KMT2A: variants seen among roughly 807,000 people sequenced by gnomAD.
The protein encoded by KMT2A is histone-lysine N-methyltransferase 2A.
KMT2A carries 16 observed loss-of-function variants against 345.3 expected under a neutral mutation model. The ratio of observed to expected loss-of-function variants is 0.05; its 90% confidence interval spans 0.03 to 0.07. KMT2A has a LOEUF of 0.07. Among genes scored for constraint, KMT2A ranks in the 10% least tolerant of loss-of-function variants. The pLI, the probability that KMT2A is intolerant of heterozygous loss-of-function variation, is 1.00. For missense variants in KMT2A, 3,272 were observed against 4,841.6 expected, an observed-to-expected ratio of 0.68 and a Z score of 9.62; for synonymous variants, 1,599 against 1,778.6, an observed-to-expected ratio of 0.90 and a Z score of 2.54.
chr11:118,509,866 C>A, intron 29 of KMT2A, 82 bp from the exon 30 acceptor site: 1 of 1,003,844 alleles, frequency 1.0e-6, no homozygotes, highest in South Asian at 1.9e-5. Flanking sequence ...GCTTAGAGAT[C>A]ATTTATGTAA....
In KMT2A at chr11:118,489,899, A is replaced by C. The variant is rs781879065; in HGVS notation, c.4575+12A>C. On this transcript the variant is annotated intron_variant, in intron 12 of 35. Transcript: ENST00000534358. ...AGAAGAAAGTCTGGGTGAGTTATAC[A>C]CATGATGCTCTTTTATAGAGAACCA... 6.2e-7 allele frequency: 1 copy of C among 1,606,858 alleles called. No homozygotes were observed. The highest frequency in any genetic ancestry group is 8.5e-7 in the Non-Finnish European group (1 of 1,173,418).
intron 2 of KMT2A, among the ~76,000 whole-genome samples, chr11:118,470,827 A>G (rs1185653119): frequency 6.6e-6 from 1 of 152,216 alleles, no homozygotes; most frequent in East Asian, 1.9e-4. Context: ...GGTGTTTTAG[A>G]AACAGTCTTG....
intron 1 of KMT2A, among the ~76,000 whole-genome samples, chr11:118,451,073 A>C (rs1843506879): frequency 6.6e-6 from 1 of 152,236 alleles, no homozygotes; most frequent in Admixed American, 6.5e-5. Context: ...ATATTGCATT[A>C]CAAAGTAAGA....
In KMT2A at chr11:118,484,529, T is replaced by TAGGA. The variant is rs1950197165; in HGVS notation, c.4218+215_4218+216insAGGA. Among the ~76,000 whole-genome samples, 4 of 152,282 alleles carry TAGGA rather than the reference T, an allele frequency of 2.6e-5. No individual in the cohort carries two copies. In the East Asian group the frequency reaches 7.7e-4, roughly 29 times the overall value. ...ACTGCAGAACATACATAATGAAACA[T>TAGGA]TCCTATCCATCCTGAGCAGTATCAG... On this transcript the variant is annotated intron_variant, in intron 9 of 35. Transcript: ENST00000534358. This position sits in a 1 kb window ranked among gnomAD's most constrained non-coding sequence, Gnocchi z 4.1.
chr11:118,522,814 C>A lies in KMT2A; in HGVS notation c.*642C>A. ...TGCAGGCTTTGAGTGGGAGTGTTGC[C>A]CCCAGGAGCCTTATCTCAGCCAATT... is the stretch of plus-strand genomic sequence containing the variant. On this transcript the variant is annotated 3_prime_UTR_variant, in exon 36 of 36. Coordinates refer to ENST00000534358, the MANE Select transcript of KMT2A (RefSeq NM_001197104.2). The surrounding 1 kb of genome is among the most constrained non-coding windows in gnomAD (Gnocchi z 5.4). 1 of 215,470 alleles carries A rather than the reference C, an allele frequency of 4.6e-6. No individual in the cohort carries two copies. 13.3% of individuals were successfully genotyped at this position (215,470 alleles called of 1,614,324 possible). A position where few individuals can be genotyped will look rare whatever the true frequency, so the allele number is the denominator to read the frequency against.
At chr11:118,474,474 A>G (rs1555036978) in intron 3 of KMT2A, among the ~76,000 whole-genome samples, 159 bp downstream of exon 3, 1 of 152,180 alleles carries the variant, frequency 6.6e-6, no homozygotes, top group East Asian at 1.9e-4. Context: ...GACCAGTAGG[A>G]TTTTGATAGG....
Position 118,473,078 on chromosome 11 carries a change from A to G in KMT2A, c.1919A>G (p.Glu640Gly). 1 of 1,614,168 alleles carries G rather than the reference A, an allele frequency of 6.2e-7. No homozygotes were observed. The highest frequency in any genetic ancestry group is 8.5e-7 in the Non-Finnish European group (1 of 1,180,026). Reference sequence around the variant, plus strand: ...TTTTCCTCAGCAAAGTATGCCAAAGAAGGTCTTATTCGCAAACCAATATTT... The same window carrying G: ...TTTTCCTCAGCAAAGTATGCCAAAGGAGGTCTTATTCGCAAACCAATATTT... ...QYFSSAKYAK[E>G]GLIRKPIFDN... Residue 640 changes from glutamate to glycine, a missense_variant, in exon 3 of 36, where the codon GAA becomes GGA. Glu to Gly is a moderately conservative substitution (Grantham distance 98). Around this residue, in one of 27 missense-constraint regions of KMT2A, gnomAD observed 114 missense variants for 203.2 expected, o/e 0.56. Coordinates refer to ENST00000534358, the MANE Select transcript of KMT2A (RefSeq NM_001197104.2). This position sits in a 1 kb window ranked among gnomAD's most constrained non-coding sequence, Gnocchi z 5.2.
At position 118,523,821 on chromosome 11, in the gene KMT2A, CATAA is replaced by C; in HGVS notation, c.*1652_*1655del. 4.7e-6 allele frequency: 1 copy of C among 210,742 alleles called. No individual in the cohort carries two copies. The highest frequency in any genetic ancestry group is 9.6e-6 in the Non-Finnish European group (1 of 103,902). The allele number at this position is 210,742 out of a possible 1,614,324, so 13.1% of individuals were successfully genotyped here. The stretch of plus-strand genomic sequence containing the variant: ...GTGTAGCTTGTTTGTGCCCTGTTGA[CATAA>C]ATGTTTCCTGGGTTTGCTCTTTGAC... On this transcript the variant is annotated 3_prime_UTR_variant, in exon 36 of 36. Transcript: ENST00000534358.
In KMT2A at chr11:118,501,669, C is replaced by T. The variant is rs1434508254; in HGVS notation, c.6320-3C>T. Reference sequence around the variant, plus strand: ...AGTTAAGAGTTTTTATTTCCTGCCACAGAAAGTTCATCAAAAGAGAGTCAA... The same window carrying T: ...AGTTAAGAGTTTTTATTTCCTGCCATAGAAAGTTCATCAAAAGAGAGTCAA... On this transcript the variant is annotated splice_polypyrimidine_tract_variant and splice_region_variant and intron_variant, in intron 25 of 35. Transcript: ENST00000534358. The T allele has an allele frequency of 6.9e-6, 11 of 1,600,404 alleles. No homozygotes were observed. The highest frequency in any genetic ancestry group is 3.5e-5 in the Admixed American group (2 of 56,882).
chr11:118,483,231 C>G (rs1249440727), intron 8 of KMT2A, among the ~76,000 whole-genome samples: 2 of 137,494 alleles, frequency 1.5e-5, no homozygotes, highest in African/African-American at 5.4e-5. Flanking sequence ...AGACTCCATC[C>G]CAAAAAAAAA....
chr11:118,509,481 C>T (rs1221397956), intron 29 of KMT2A, among the ~76,000 whole-genome samples: 13 of 152,050 alleles, frequency 8.5e-5, no homozygotes, highest in African/African-American at 3.1e-4. Context: ...GCTTAAATAG[C>T]TAGTAATAAC....
intron 1 of KMT2A, among the ~76,000 whole-genome samples, chr11:118,461,948 C>CTTTA (rs1374811980): frequency 5.3e-5 from 8 of 151,986 alleles, no homozygotes; most frequent in East Asian, 1.9e-4. Flanking sequence ...GCAGCACCCT[C>CTTTA]TTTATTTATT....
chr11:118,488,911 T>C, intron 11 of KMT2A, 151 bp downstream of exon 11: 1 of 643,676 alleles, frequency 1.6e-6, no homozygotes, highest in East Asian at 2.7e-5. Flanking sequence ...TTGTCATTAT[T>C]TCCTAAACAA....
Position 118,484,835 on chromosome 11 carries a change from T to C in KMT2A, c.4219-27T>C, listed in dbSNP as rs782080650. The C allele has an allele frequency of 2.3e-5, 34 of 1,504,644 alleles. No individual in the cohort carries two copies. The East Asian group carries it at 7.0e-4, about 31-fold the overall frequency. 93.2% of individuals were successfully genotyped at this position (1,504,644 alleles called of 1,614,324 possible). On this transcript the variant is annotated intron_variant, in intron 9 of 35. Coordinates refer to ENST00000534358, the MANE Select transcript of KMT2A (RefSeq NM_001197104.2). This position sits in a 1 kb window ranked among gnomAD's most constrained non-coding sequence, Gnocchi z 4.1. ...CCAAAGTTGTGTAATTGTAAAACTT[T>C]CCTAAGTGACCTTTCTCTCTCCACA...
In KMT2A at chr11:118,489,215, C is replaced by T. The variant is rs914188131; in HGVS notation, c.4479+455C>T. Among the ~76,000 whole-genome samples the T allele has an allele frequency of 2.8e-4, 31 of 110,188 alleles. No homozygotes were observed. In the Admixed American group the frequency reaches 3.4e-3, roughly 12 times the overall value. 72.3% of individuals were successfully genotyped at this position (110,188 alleles called of 152,430 possible). Reference sequence around the variant, plus strand: ...GTCTGTCACTCCAGCCTGGGTGACACAGTGAGACTCCATCTCAAAAAAAAA... The same window carrying T: ...GTCTGTCACTCCAGCCTGGGTGACATAGTGAGACTCCATCTCAAAAAAAAA... On this transcript the variant is annotated intron_variant, in intron 11 of 35. Transcript: ENST00000534358.
intron 10 of KMT2A, among the ~76,000 whole-genome samples, chr11:118,486,671 A>G (rs1255659209): frequency 6.6e-6 from 1 of 152,038 alleles, no homozygotes; most frequent in African/African-American, 2.4e-5. Context: ...TCAGGAGTTC[A>G]AGACCAGCCT....
chr11:118,495,716 A>G lies in KMT2A; in HGVS notation c.5380A>G (p.Asn1794Asp). The G allele has an allele frequency of 6.2e-7, 1 of 1,611,586 alleles. No homozygotes were observed. Among genetic ancestry groups the G allele is most frequent in the Non-Finnish European group, 8.5e-7 (1 of 1,178,734 alleles). Reference sequence around the variant, plus strand: ...TATTTTCAGCAGTGGGATGTTACCAAACGCAGTGCTTCCACCTTCACTTGA... The same window carrying G: ...TATTTTCAGCAGTGGGATGTTACCAGACGCAGTGCTTCCACCTTCACTTGA... ...KVSSNSGMLP[N>D]AVLPPSLDHN... The change falls in exon 19 of 36, where the codon AAC (asparagine) becomes GAC (aspartate). Residue 1794 changes from asparagine (N) to aspartate (D), a missense_variant. Asn to Asp is a conservative substitution (Grantham distance 23). Transcript: ENST00000534358. The surrounding 1 kb of genome is among the most constrained non-coding windows in gnomAD (Gnocchi z 4.1).
At chr11:118,457,913 C>G (rs1190430815) in intron 1 of KMT2A, among the ~76,000 whole-genome samples, 6 of 152,048 alleles carry the variant, frequency 3.9e-5, no homozygotes, top group Admixed American at 3.3e-4. Context: ...TTAAGATTAG[C>G]AGGTCCTTAA....
At position 118,436,711 on chromosome 11, in the gene KMT2A, GC is replaced by G; in HGVS notation, c.200del (p.Ala67GlyfsTer83). The G allele has an allele frequency of 7.3e-7, 1 of 1,375,524 alleles. No homozygotes were observed. Among genetic ancestry groups the G allele is most frequent in the South Asian group, 2.0e-5 (1 of 49,710 alleles). 85.2% of individuals were successfully genotyped at this position (1,375,524 alleles called of 1,614,324 possible). On this transcript the variant is annotated frameshift_variant, in exon 1 of 36. Transcript: ENST00000534358. LOFTEE classifies it high-confidence loss of function. The surrounding 1 kb of genome is among the most constrained non-coding windows in gnomAD (Gnocchi z 6.9). Reference sequence around the variant, plus strand: ...GGCTGTGGCGGCCGCGGCGGCGGCGGCGGGAAGCAGCGGGGCTGGGGTTCCA... The same window carrying G: ...GGCTGTGGCGGCCGCGGCGGCGGCGGGGGAAGCAGCGGGGCTGGGGTTCCA... ...PPAVAAAAAA[A>X]GSSGAGVPGG... is the part of the protein sequence containing the mutation.
Sources: gnomAD v4.1 joint callset for allele counts (sites outside exome capture counted in the v4.1 genomes callset) on GRCh38, gnomAD v4.1.1 for gene constraint, gnomAD v4.1.1 regional missense constraint, Gnocchi (gnomAD v3.1) non-coding constraint, MANE v1.5 for transcripts, NCBI Gene and HGNC (gene_info 2026-07-23, HGNC 2026-07-21) for gene names.